The following AMOTL1 variants were observed in gnomAD, a reference collection of about 807,000 sequenced individuals.
The protein encoded by AMOTL1 is angiomotin-like protein 1.
A neutral mutation model predicts 102.9 loss-of-function variants in AMOTL1; 45 were observed. That is an observed-to-expected ratio of 0.44 (90% CI 0.34 to 0.56). AMOTL1 has a LOEUF of 0.56. Among genes scored for constraint, AMOTL1 ranks in the 20% least tolerant of loss-of-function variants. The probability of loss-of-function intolerance (pLI) is 0.01; values close to 1 mark genes in which losing one functional copy is unlikely to be tolerated. For missense variants in AMOTL1, 1,114 were observed against 1,225.6 expected, an observed-to-expected ratio of 0.91 and a Z score of 1.36; for synonymous variants, 481 against 484.7, an observed-to-expected ratio of 0.99 and a Z score of 0.10.
intron 1 of AMOTL1, among the ~76,000 whole-genome samples, chr11:94,715,967 TTC>T (rs906150654): frequency 6.6e-6 from 1 of 152,148 alleles, no homozygotes; most frequent in African/African-American, 2.4e-5. Context: ...AGTATATTTC[TTC>T]TCTCTCTGAG....
At chr11:94,764,432 A>T (rs1176666112), upstream of AMOTL1, among the ~76,000 whole-genome samples, 1 of 152,222 alleles carries the variant, frequency 6.6e-6, no homozygotes, top group Non-Finnish European at 1.5e-5. Flanking sequence ...AATTGAACTT[A>T]AAAAATATCC....
At chr11:94,730,867 A>G (rs1483944486) in intron 2 of AMOTL1, among the ~76,000 whole-genome samples, 3 of 152,214 alleles carry the variant, frequency 2.0e-5, no homozygotes, top group African/African-American at 7.2e-5. Context: ...ACCAAAGCCT[A>G]AAGGCAGAGG....
At chr11:94,715,401 C>T (rs1410474676) in intron 1 of AMOTL1, among the ~76,000 whole-genome samples, 16 of 152,034 alleles carry the variant, frequency 1.1e-4, no homozygotes. Context: ...AAATTCCTGG[C>T]CTCAAGTGAT....
intron 1 of AMOTL1, among the ~76,000 whole-genome samples, chr11:94,786,385 G>A (rs12283970): frequency 0.011 from 1,644 of 152,284 alleles, 31 homozygotes; most frequent in African/African-American, 0.037. Context: ...CAAGTGAGAA[G>A]AGAGGACTCC....
chr11:94,755,205 T>C (rs1052927808), intron 3 of AMOTL1, among the ~76,000 whole-genome samples: 1 of 152,238 alleles, frequency 6.6e-6, no homozygotes, highest in Non-Finnish European at 1.5e-5. Flanking sequence ...CGTGCTTCAC[T>C]GTGCTCAATA....
rs1951455579 is a variant in AMOTL1, at chr11:94,800,389, G to A, written c.1121+78G>A. On this transcript the variant is annotated intron_variant, in intron 3 of 12. Coordinates refer to ENST00000433060, the MANE Select transcript of AMOTL1 (RefSeq NM_130847.3). The stretch of plus-strand genomic sequence containing the variant: ...GTTATTAGCATTTATTATTTTCAGA[G>A]CAGATTAGGTTTTTGTCATCAGGCT... The A allele has an allele frequency of 3.4e-6, 5 of 1,449,502 alleles. No homozygotes were observed. The South Asian group carries it at 5.5e-5, about 16-fold the overall frequency. 89.8% of individuals were successfully genotyped at this position (1,449,502 alleles called of 1,614,324 possible).
rs138876300 is a variant in AMOTL1, at chr11:94,748,535, C to T, written c.136+7547C>T. ...GAGATGCTGGATGACTAGCAATCTT[C>T]CTAACAAGTTATAGGAAGCACATCT... On this transcript the variant is annotated intron_variant, in intron 3 of 4. Coordinates refer to the AMOTL1 transcript ENST00000299004. Among the ~76,000 whole-genome samples, 23 of 152,252 alleles carry T rather than the reference C, an allele frequency of 1.5e-4. No individual in the cohort carries two copies. In the East Asian group the frequency reaches 4.0e-3, roughly 27 times the overall value.
intron 3 of AMOTL1, among the ~76,000 whole-genome samples, chr11:94,753,971 C>T (rs1950690041): frequency 6.6e-6 from 1 of 152,218 alleles, no homozygotes; most frequent in African/African-American, 2.4e-5. Flanking sequence ...GGAGTTCTAG[C>T]TCCTTCAGGC....
intron 3 of AMOTL1, among the ~76,000 whole-genome samples, chr11:94,809,553 G>T (rs1404793679): frequency 6.6e-6 from 1 of 152,220 alleles, no homozygotes; most frequent in Non-Finnish European, 1.5e-5. Flanking sequence ...TTAGCTCATG[G>T]TCTCCGAAGA....
chr11:94,846,426 T>C (rs918972208), intron 6 of AMOTL1, among the ~76,000 whole-genome samples: 3 of 152,220 alleles, frequency 2.0e-5, no homozygotes, highest in African/African-American at 7.2e-5. Flanking sequence ...TAGGTACTAT[T>C]GTGATGCTTA....
chr11:94,790,069 C>T (rs927689536), intron 1 of AMOTL1, among the ~76,000 whole-genome samples: 28 of 152,106 alleles, frequency 1.8e-4, no homozygotes, highest in African/African-American at 4.6e-4. Context: ...CCTCATCTTA[C>T]GGAGCTGAAA....
chr11:94,710,376 T>C (rs749729096), intron 1 of AMOTL1, among the ~76,000 whole-genome samples: 18 of 152,250 alleles, frequency 1.2e-4, no homozygotes, highest in Non-Finnish European at 2.5e-4. Context: ...ATCAGGACTC[T>C]GACATTTTCT....
At chr11:94,808,725 G>A (rs1951611014) in intron 3 of AMOTL1, among the ~76,000 whole-genome samples, 1 of 152,048 alleles carries the variant, frequency 6.6e-6, no homozygotes, top group African/African-American at 2.4e-5. Flanking sequence ...CTGTTCAATA[G>A]AAATGTAACA....
upstream of AMOTL1, among the ~76,000 whole-genome samples, chr11:94,767,076 C>T (rs1950863781): frequency 6.6e-6 from 1 of 152,092 alleles, no homozygotes. Flanking sequence ...TGCCTCTCTC[C>T]GCCCTTCCCA....
intron 1 of AMOTL1, among the ~76,000 whole-genome samples, chr11:94,792,141 T>TA (rs1565353178): frequency 6.6e-6 from 1 of 152,066 alleles, no homozygotes. Flanking sequence ...TATGCAGCCA[T>TA]AAAAAAGGAT....
At chr11:94,823,466 T>C (rs7115439) in intron 4 of AMOTL1, among the ~76,000 whole-genome samples, 1 of 151,930 alleles carries the variant, frequency 6.6e-6, no homozygotes, top group African/African-American at 2.4e-5. Flanking sequence ...CTTGCCTCTG[T>C]CATTTTTGGG....
At chr11:94,801,428 G>T (rs1951476485) in intron 3 of AMOTL1, among the ~76,000 whole-genome samples, 1 of 152,176 alleles carries the variant, frequency 6.6e-6, no homozygotes, top group African/African-American at 2.4e-5. Context: ...CGGTCTCTGG[G>T]TGTCGTATTA....
chr11:94,797,073 A>G (rs1411879470), intron 2 of AMOTL1: 3 of 946,638 alleles, frequency 3.2e-6, no homozygotes, highest in East Asian at 2.3e-4. Flanking sequence ...TGAGAATGCC[A>G]TTTATAGGAA....
chr11:94,828,584 T>C (rs757342518), intron 4 of AMOTL1, among the ~76,000 whole-genome samples: 1 of 151,838 alleles, frequency 6.6e-6, no homozygotes, highest in African/African-American at 2.4e-5. Flanking sequence ...ACCATCTCTT[T>C]GTAATATTTA....
Sources: allele counts gnomAD v4.1 joint callset (sites outside exome capture counted in the v4.1 genomes callset), GRCh38; gene constraint gnomAD v4.1.1; transcripts MANE v1.5; gene names NCBI Gene and HGNC (gene_info 2026-07-23, HGNC 2026-07-21).